PRRC2B: variants seen among roughly 807,000 people sequenced by gnomAD.
PRRC2B encodes proline rich coiled-coil 2B, also known as protein PRRC2B.
Under a neutral mutation model 242.3 loss-of-function variants are expected in PRRC2B, and 68 were observed. That is an observed-to-expected ratio of 0.28 (90% confidence interval 0.23 to 0.34). The LOEUF is 0.34. Ranked by LOEUF, PRRC2B falls within the 10% of genes least tolerant of loss-of-function variation. The pLI, the probability that PRRC2B is intolerant of heterozygous loss-of-function variation, is 1.00. For missense variants in PRRC2B, 2,835 were observed against 2,954.8 expected (o/e 0.96, Z 0.94); for synonymous variants, 1,228 against 1,173.6 (o/e 1.05, Z -0.95).
intron 9 of PRRC2B, among the ~76,000 whole-genome samples, chr9:131,448,543 C>CAAATAAAAAAAAAAAAA (rs1838884667): frequency 2.5e-5 from 1 of 39,874 alleles, no homozygotes; most frequent in Non-Finnish European, 5.3e-5. Flanking sequence ...GACACTGTCT[C>CAAATAAAAAAAAAAAAA]AAAAAAAAAA....
chr9:131,388,441 T>C (rs1203269813), intron 1 of PRRC2B, among the ~76,000 whole-genome samples: 1 of 149,614 alleles, frequency 6.7e-6, no homozygotes. Flanking sequence ...GGTTTCACCA[T>C]GTTGGTCAGG....
chr9:131,401,231 G>T (rs1329707530), intron 1 of PRRC2B, among the ~76,000 whole-genome samples: 2 of 152,088 alleles, frequency 1.3e-5, no homozygotes, highest in African/African-American at 4.8e-5. Context: ...GTACAGTTGA[G>T]TGGCGTGAAG....
intron 16 of PRRC2B, among the ~76,000 whole-genome samples, 196 bp downstream of exon 16, chr9:131,476,731 C>T (rs1464752261): frequency 6.7e-6 from 1 of 148,874 alleles, no homozygotes; most frequent in African/African-American, 2.5e-5. Flanking sequence ...CTAGAGCTCC[C>T]ACCCCCACCC....
chr9:131,470,774 C>G lies in PRRC2B; in HGVS notation c.1912-14C>G, dbSNP rs937804918. The G allele has an allele frequency of 3.1e-6, 5 of 1,609,322 alleles. No homozygotes were observed. The African/African-American group carries it at 6.7e-5, about 22-fold the overall frequency. ...CGCACCAGCCTGACCAAGTCTCTCTCTCTCTGTGGGCAGGAGCAGCTGTAC... is the reference window on the plus strand; with the variant it reads ...CGCACCAGCCTGACCAAGTCTCTCTGTCTCTGTGGGCAGGAGCAGCTGTAC... On this transcript the variant is annotated splice_polypyrimidine_tract_variant and intron_variant, in intron 13 of 31. Coordinates refer to ENST00000683519, the MANE Select transcript of PRRC2B (RefSeq NM_013318.4).
chr9:131,489,355 T>C (rs1161173109), intron 28 of PRRC2B, among the ~76,000 whole-genome samples: 1 of 151,926 alleles, frequency 6.6e-6, no homozygotes, highest in Non-Finnish European at 1.5e-5. Flanking sequence ...CGGCTAATTT[T>C]TGTATTTTTA....
At chr9:131,392,855 G>C (rs1185377242), upstream of PRRC2B, among the ~76,000 whole-genome samples, 1 of 151,218 alleles carries the variant, frequency 6.6e-6, no homozygotes, top group Non-Finnish European at 1.5e-5. Context: ...GGAGGTTGCA[G>C]TGAGCAGAGA....
chr9:131,378,873 C>T (rs1564268575), intron 1 of PRRC2B, among the ~76,000 whole-genome samples: 1 of 152,094 alleles, frequency 6.6e-6, no homozygotes, highest in Non-Finnish European at 1.5e-5. Context: ...TATCTGCCAC[C>T]ACACCCGGCT....
chr9:131,485,854 C>T (rs1944006716), intron 25 of PRRC2B: 1 of 733,426 alleles, frequency 1.4e-6, no homozygotes, highest in South Asian at 1.4e-5. Context: ...CTCCTCCCTC[C>T]TCCTAGGTCT....
chr9:131,464,854 T>C lies in PRRC2B; in HGVS notation c.1496T>C (p.Met499Thr). The change falls in exon 12 of 32, where the codon ATG becomes ACG. Residue 499 changes from methionine to threonine, a missense_variant. By Grantham distance (81) the Met-to-Thr change is moderately conservative. Around this residue, in one of 7 missense-constraint regions of PRRC2B, gnomAD observed 626 missense variants for 685.5 expected, o/e 0.91. Transcript: ENST00000683519. ...PPRQKFIQSE[M>T]SEAVERARKR... ...AGGCAGAAGTTCATTCAGTCAGAGA[T>C]GTCCGAGGCGGTGGAGCGAGCCCGA... 1 of 1,613,728 alleles carries C rather than the reference T, an allele frequency of 6.2e-7. No homozygotes were observed. Among genetic ancestry groups the C allele is most frequent in the East Asian group, 2.2e-5 (1 of 44,866 alleles).
At chr9:131,394,030 A>C (rs1221259803), upstream of PRRC2B, 1 of 146,360 alleles carries the variant, frequency 6.8e-6, no homozygotes, top group East Asian at 2.2e-4. Context: ...GAGGACGAGG[A>C]GGCGGGGGCG....
chr9:131,420,495 T>TTTTCTTTC (rs1837799611), intron 1 of PRRC2B, among the ~76,000 whole-genome samples: 1 of 79,862 alleles, frequency 1.3e-5, no homozygotes, highest in Non-Finnish European at 2.6e-5. Context: ...CTTTCTTTCT[T>TTTTCTTTC]TTTTTTTTTT....
chr9:131,455,755 A>G (rs1352712952), intron 10 of PRRC2B, among the ~76,000 whole-genome samples: 1 of 151,898 alleles, frequency 6.6e-6, no homozygotes. Flanking sequence ...GGCTCAAGTG[A>G]TCCACTGTGC....
In PRRC2B at chr9:131,394,954, G is replaced by A. The variant is rs551573007; in HGVS notation, c.-52+691G>A. 1.3e-4 allele frequency among the ~76,000 whole-genome samples: 3 copies of A among 23,136 alleles called. No individual in the cohort carries two copies. The South Asian group carries it at 7.3e-3, about 56-fold the overall frequency. 15.2% of individuals were successfully genotyped at this position (23,136 alleles called of 152,430 possible). A position where few individuals can be genotyped will look rare whatever the true frequency, so the allele number is the denominator to read the frequency against. On this transcript the variant is annotated intron_variant, in intron 1 of 31. Transcript: ENST00000683519. ...GGATGTCGCCACTCGGGGCCTGCCA[G>A]ATGGGGTTTTTTTTTTTTTCCTCCT...
intron 1 of PRRC2B, among the ~76,000 whole-genome samples, chr9:131,409,692 A>G (rs187259037): frequency 6.6e-6 from 1 of 152,250 alleles, no homozygotes; most frequent in Admixed American, 6.5e-5. Context: ...CAGGCTTCGT[A>G]TTCCACGCAG....
intron 1 of PRRC2B, among the ~76,000 whole-genome samples, chr9:131,376,906 C>G (rs1040854634): frequency 2.6e-5 from 4 of 152,080 alleles, no homozygotes; most frequent in Non-Finnish European, 5.9e-5. Flanking sequence ...ACTCGAGACA[C>G]TGAGGCAGGA....
rs115469554 is a variant in PRRC2B at position 131,494,978 on chromosome 9, C to T, written c.6555+492C>T. Among the ~76,000 whole-genome samples the T allele has an allele frequency of 2.4e-3, 372 of 152,316 alleles. 1 individual carries two copies. The highest frequency in any genetic ancestry group is 8.0e-3 in the African/African-American group (331 of 41,566). ...CTATTCTCTTCTCTATTCTCTAAAACGTGCTGGGGCTCAGAGCTTAAGCCC... is the reference window on the plus strand; with the variant it reads ...CTATTCTCTTCTCTATTCTCTAAAATGTGCTGGGGCTCAGAGCTTAAGCCC... On this transcript the variant is annotated intron_variant, in intron 31 of 31. Transcript: ENST00000683519. This position sits in a 1 kb window ranked among gnomAD's most constrained non-coding sequence, Gnocchi z 4.3.
intron 1 of PRRC2B, among the ~76,000 whole-genome samples, chr9:131,405,239 A>G (rs1837331629): frequency 6.6e-6 from 1 of 152,174 alleles, no homozygotes; most frequent in African/African-American, 2.4e-5. Flanking sequence ...GTGTCTTGTT[A>G]GGTGAAGGCC....
At chr9:131,459,044 A>C (rs895731580) in intron 10 of PRRC2B, 120 bp from the exon 11 acceptor site, 88 of 818,534 alleles carry the variant, frequency 1.1e-4, no homozygotes, top group Admixed American at 1.6e-4. Flanking sequence ...GTGGTGGTCC[A>C]TTCTAATGAA....
intron 1 of PRRC2B, among the ~76,000 whole-genome samples, chr9:131,408,123 G>A (rs1588239491): frequency 6.6e-6 from 1 of 152,232 alleles, no homozygotes; most frequent in African/African-American, 2.4e-5. Flanking sequence ...TGGGGTTGTT[G>A]TAAGTAGGCT....
Sources: allele counts gnomAD v4.1 joint callset (sites outside exome capture counted in the v4.1 genomes callset), GRCh38; gene constraint gnomAD v4.1.1; regional missense constraint gnomAD v4.1.1; non-coding constraint Gnocchi (gnomAD v3.1); transcripts MANE v1.5; gene names NCBI Gene and HGNC (gene_info 2026-07-23, HGNC 2026-07-21).